LIMA1: variants seen among roughly 807,000 people sequenced by gnomAD.
The protein encoded by LIMA1 is LIM domain and actin binding 1, also known as LIM domain and actin-binding protein 1.
Under a neutral mutation model 62.6 loss-of-function variants are expected in LIMA1, and 52 were observed. That is an observed-to-expected ratio of 0.83 (90% confidence interval 0.67 to 1.05). The LOEUF (loss-of-function observed/expected upper bound fraction) is 1.05, where lower values mean the gene tolerates loss of function less well. LIMA1 is among the 50% of genes least tolerant of loss of function. LIMA1 has a pLI of 0.00. For missense variants in LIMA1, 780 were observed against 902.2 expected (o/e 0.86, Z 1.74); for synonymous variants, 302 against 317.8 (o/e 0.95, Z 0.53).
intron 9 of LIMA1, chr12:50,187,551 A>G (rs1940657832): frequency 6.6e-6 from 1 of 152,194 alleles, no homozygotes. Flanking sequence ...CTACACAGAG[A>G]AGAAAGGACA....
At chr12:50,275,625 A>G (rs755043331) in intron 1 of LIMA1, among the ~76,000 whole-genome samples, 5 of 152,170 alleles carry the variant, frequency 3.3e-5, no homozygotes, top group African/African-American at 4.8e-5. Flanking sequence ...TTAAAAAGGT[A>G]GCATTTGATT....
chr12:50,253,923 G>A lies in LIMA1; in HGVS notation c.-23-5149C>T, dbSNP rs536069122. ...GGCGCCTGTAATCCCAGCTACTTGG[G>A]AGGCTGAGGCAGGACAACTGCTTGA... On this transcript the variant is annotated intron_variant, in intron 1 of 10. Coordinates refer to ENST00000341247, the MANE Select transcript of LIMA1 (RefSeq NM_016357.5). Among the ~76,000 whole-genome samples, 70 of 151,178 alleles carry A rather than the reference G, an allele frequency of 4.6e-4. 1 individual carries two copies. The highest frequency in any genetic ancestry group is 6.8e-3 in the Middle Eastern group (2 of 294).
intron 4 of LIMA1, among the ~76,000 whole-genome samples, chr12:50,208,004 T>A (rs567241751): frequency 2.0e-5 from 3 of 152,260 alleles, no homozygotes; most frequent in Admixed American, 6.5e-5. Context: ...ATTGGTCTGT[T>A]TATACCACAC....
At chr12:50,233,917 A>G (rs1441949171) in intron 2 of LIMA1, among the ~76,000 whole-genome samples, 1 of 152,228 alleles carries the variant, frequency 6.6e-6, no homozygotes, top group Non-Finnish European at 1.5e-5. Context: ...CATATGCACA[A>G]GAGTGATATG....
At chr12:50,252,606 A>G (rs1941945161) in intron 1 of LIMA1, among the ~76,000 whole-genome samples, 1 of 147,766 alleles carries the variant, frequency 6.8e-6, no homozygotes, top group South Asian at 2.2e-4. Context: ...AAAAAAAGAC[A>G]TAATGGGGCC....
Position 50,239,455 on chromosome 12 carries a change from T to C in LIMA1, c.120-7745A>G, listed in dbSNP as rs566107735. 6.4e-4 allele frequency among the ~76,000 whole-genome samples: 97 copies of C among 151,284 alleles called. 2 individuals carry two copies. Among genetic ancestry groups the C allele is most frequent in the African/African-American group, 2.3e-3 (94 of 41,202 alleles). Reference sequence around the variant, plus strand: ...GGAGTTAAGACTGGCCTGGGCAACATGGAGAAACCTCGTCTCTATTAAAAA... The same window carrying C: ...GGAGTTAAGACTGGCCTGGGCAACACGGAGAAACCTCGTCTCTATTAAAAA... On this transcript the variant is annotated intron_variant, in intron 2 of 10. Coordinates refer to ENST00000341247, the MANE Select transcript of LIMA1 (RefSeq NM_016357.5).
At chr12:50,203,176 AT>A (rs555986617) in intron 6 of LIMA1, among the ~76,000 whole-genome samples, 9 of 142,642 alleles carry the variant, frequency 6.3e-5, no homozygotes, top group Non-Finnish European at 1.1e-4. Flanking sequence ...CACCTGGCTA[AT>A]TTTTTTTTTG....
chr12:50,262,338 T>C (rs988466874), intron 1 of LIMA1, among the ~76,000 whole-genome samples: 11 of 152,170 alleles, frequency 7.2e-5, no homozygotes, highest in Non-Finnish European at 1.6e-4. Context: ...TTGTATACAA[T>C]ACTGATTTTT....
At chr12:50,203,835 G>T (rs1941102553) in intron 6 of LIMA1, among the ~76,000 whole-genome samples, 1 of 152,146 alleles carries the variant, frequency 6.6e-6, no homozygotes, top group Admixed American at 6.5e-5. Flanking sequence ...TTAAGTAGAA[G>T]ATCTACTGTA....
At chr12:50,255,184 T>G (rs1941979584) in intron 1 of LIMA1, among the ~76,000 whole-genome samples, 2 of 152,094 alleles carry the variant, frequency 1.3e-5, no homozygotes, top group South Asian at 2.1e-4. Context: ...CTGAGATGGT[T>G]ACTTATTCAA....
chr12:50,268,931 G>A (rs763999210), intron 1 of LIMA1, among the ~76,000 whole-genome samples: 12 of 152,056 alleles, frequency 7.9e-5, no homozygotes, highest in African/African-American at 2.4e-4. Flanking sequence ...TGTCTGGACC[G>A]GTCTTATCCT....
At chr12:50,188,058 T>TGAAC (rs1272629971) in intron 9 of LIMA1, 6 of 152,328 alleles carry the variant, frequency 3.9e-5, no homozygotes, top group African/African-American at 1.4e-4. Flanking sequence ...TCTTACCAAG[T>TGAAC]AAGCTCTGTG....
At position 50,200,821 on chromosome 12, in the gene LIMA1, G is replaced by T. The variant is rs1415313231; in HGVS notation, c.928C>A (p.Pro310Thr). Residue 310 changes from proline to threonine, a missense_variant, in exon 7 of 11, where the codon CCC becomes ACC. Transcript: ENST00000341247. ...IHKMEQKENV[P>T]PGPEVCITHQ... ...GTGATGCAGACCTCAGGACCTGGGG[G>T]CACATTCTCCTTTTGCTCCATTTTA... is the stretch of plus-strand genomic sequence containing the variant. 1 of 1,613,938 alleles carries T rather than the reference G, an allele frequency of 6.2e-7. No homozygotes were observed. The highest frequency in any genetic ancestry group is 8.5e-7 in the Non-Finnish European group (1 of 1,180,006).
At chr12:50,270,799 C>T (rs528569331) in intron 1 of LIMA1, among the ~76,000 whole-genome samples, 1 of 151,862 alleles carries the variant, frequency 6.6e-6, no homozygotes, top group African/African-American at 2.4e-5. Context: ...AAGAGTAACC[C>T]CAGTTACAGC....
At chr12:50,207,309 T>C (rs551489377) in intron 4 of LIMA1, among the ~76,000 whole-genome samples, 1 of 152,326 alleles carries the variant, frequency 6.6e-6, no homozygotes, top group African/African-American at 2.4e-5. Context: ...AGATCTTTAA[T>C]GAAAGTTACA....
intron 1 of LIMA1, among the ~76,000 whole-genome samples, chr12:50,264,006 C>A (rs1942110242): frequency 6.6e-6 from 1 of 151,202 alleles, no homozygotes; most frequent in African/African-American, 2.4e-5. Context: ...ATGTGGTATG[C>A]CCATACAAGG....
At chr12:50,257,632 G>A (rs1412580384) in intron 1 of LIMA1, among the ~76,000 whole-genome samples, 1 of 152,212 alleles carries the variant, frequency 6.6e-6, no homozygotes, top group African/African-American at 2.4e-5. Context: ...TGGAAGCTCA[G>A]TGGGCTGCCT....
At chr12:50,260,622 A>G (rs1156564618) in intron 1 of LIMA1, among the ~76,000 whole-genome samples, 1 of 152,174 alleles carries the variant, frequency 6.6e-6, no homozygotes, top group African/African-American at 2.4e-5. Flanking sequence ...GCTTCTATCA[A>G]ATAAAATAAC....
intron 1 of LIMA1, among the ~76,000 whole-genome samples, chr12:50,255,976 G>A (rs995602868): frequency 3.3e-5 from 5 of 151,678 alleles, no homozygotes; most frequent in African/African-American, 7.3e-5. Context: ...TGCAACCTCC[G>A]CCTCCCAGGT....
Sources: gnomAD v4.1 joint callset for allele counts (sites outside exome capture counted in the v4.1 genomes callset) on GRCh38, gnomAD v4.1.1 for gene constraint, MANE v1.5 for transcripts, NCBI Gene and HGNC (gene_info 2026-07-23, HGNC 2026-07-21) for gene names.